The following ITGAL variants were observed in gnomAD, a reference collection of about 807,000 sequenced individuals.
ITGAL encodes the protein integrin alpha-L.
Under a neutral mutation model 138.4 loss-of-function variants are expected in ITGAL, and 68 were observed. The ratio of observed to expected loss-of-function variants is 0.49; its 90% CI spans 0.40 to 0.60. The LOEUF (loss-of-function observed/expected upper bound fraction) is 0.60. ITGAL is among the 20% of genes least tolerant of loss of function. The pLI, the probability that ITGAL is intolerant of heterozygous loss-of-function variation, is 0.00. For synonymous variants in ITGAL, 561 were observed against 584.3 expected (o/e 0.96, Z 0.57); for missense variants, 1,256 against 1,478.6 (o/e 0.85, Z 2.47).
chr16:30,510,239 C>T (rs1306264929), intron 21 of ITGAL, 122 bp from the exon 22 acceptor site: 7 of 671,526 alleles, frequency 1.0e-5, no homozygotes, highest in African/African-American at 3.6e-5. Flanking sequence ...GGCCCTTTCC[C>T]GCTGAGAAGG....
At chr16:30,488,550 C>G (rs1281097138) in intron 9 of ITGAL, among the ~76,000 whole-genome samples, 1 of 151,470 alleles carries the variant, frequency 6.6e-6, no homozygotes, top group African/African-American at 2.4e-5. Flanking sequence ...ACTAAAAATA[C>G]AAAAATTAGC....
Position 30,518,685 on chromosome 16 carries a change from TC to T in ITGAL, c.3196del (p.His1066ThrfsTer14). The T allele has an allele frequency of 1.9e-6, 3 of 1,613,966 alleles. No individual in the cohort carries two copies. The highest frequency in any genetic ancestry group is 2.5e-6 in the Non-Finnish European group (3 of 1,179,918). On this transcript the variant is annotated frameshift_variant, in exon 29 of 31. Coordinates refer to ENST00000356798, the MANE Select transcript of ITGAL (RefSeq NM_002209.3). LOFTEE classifies it high-confidence loss of function. Reference sequence around the variant, plus strand: ...ATCTCCTTCAACAGCAGCAAGCATTTCCACCTCTATGGCAGCAACGCCTCCC... The same window carrying T: ...ATCTCCTTCAACAGCAGCAAGCATTTCACCTCTATGGCAGCAACGCCTCCC... ...LSISFNSSKHFHLYGSNASLA... is the reference protein window; with the variant it reads ...LSISFNSSKHXHLYGSNASLA...
chr16:30,519,636 C>CG, intron 29 of ITGAL: 1 of 535,298 alleles, frequency 1.9e-6, no homozygotes, highest in South Asian at 2.3e-5. Context: ...CGTGCGATTC[C>CG]GGGGAAGCCA....
At chr16:30,497,103 G>A (rs368269593) in intron 15 of ITGAL, among the ~76,000 whole-genome samples, 2 of 152,108 alleles carry the variant, frequency 1.3e-5, no homozygotes, top group East Asian at 1.9e-4. Flanking sequence ...CCAGCACTTC[G>A]GAAGTCCGAG....
At chr16:30,501,405 A>G (rs985928808) in intron 17 of ITGAL, among the ~76,000 whole-genome samples, 6 of 151,764 alleles carry the variant, frequency 4.0e-5, no homozygotes, top group Admixed American at 3.9e-4. Flanking sequence ...GAGAAACCCC[A>G]TCTCTACTAA....
At chr16:30,475,071 C>T (rs552413278) in intron 2 of ITGAL, among the ~76,000 whole-genome samples, 1 of 152,192 alleles carries the variant, frequency 6.6e-6, no homozygotes, top group South Asian at 2.1e-4. Flanking sequence ...ATTGGCCAGG[C>T]TGGTCTCAAG....
chr16:30,510,709 C>T (rs1007581895), intron 22 of ITGAL, among the ~76,000 whole-genome samples, 172 bp from the exon 23 acceptor site: 2 of 152,100 alleles, frequency 1.3e-5, no homozygotes, highest in Non-Finnish European at 2.9e-5. Context: ...ATAACTTAAC[C>T]GTCTGGAGCC....
intron 26 of ITGAL, among the ~76,000 whole-genome samples, chr16:30,517,357 C>G (rs1253038441): frequency 1.3e-5 from 2 of 152,052 alleles, no homozygotes; most frequent in Admixed American, 1.3e-4. Flanking sequence ...ACTCAGGAGG[C>G]AGAGGCGGGA....
chr16:30,504,008 G>A, intron 17 of ITGAL, 167 bp from the exon 18 acceptor site: 1 of 583,766 alleles, frequency 1.7e-6, no homozygotes, highest in Non-Finnish European at 3.1e-6. Flanking sequence ...CCCTGGGTGT[G>A]CTGTACACAC....
Position 30,494,758 on chromosome 16 carries a change from C to A in ITGAL, c.1411C>A (p.Gln471Lys). The change falls in exon 13 of 31, where the codon CAA becomes AAA. Residue 471 changes from glutamine to lysine, a missense_variant. Gln to Lys is a moderately conservative substitution (Grantham distance 53). Transcript: ENST00000356798. The surrounding 1 kb of genome is among the most constrained non-coding windows in gnomAD (Gnocchi z 4.2). The stretch of plus-strand genomic sequence containing the variant: ...GGAGCTGTGTGGCGTCGACGTGGAC[C>A]AAGATGGGGAGACAGAGCTGCTGCT... Reference protein sequence around the residue: ...GGELCGVDVDQDGETELLLIG... With the variant: ...GGELCGVDVDKDGETELLLIG... 2 of 1,613,372 alleles carry A rather than the reference C, an allele frequency of 1.2e-6. No homozygotes were observed. Among genetic ancestry groups the A allele is most frequent in the Non-Finnish European group, 1.7e-6 (2 of 1,179,552 alleles).
chr16:30,491,533 C>G (rs145934744), intron 11 of ITGAL, among the ~76,000 whole-genome samples: 1 of 152,212 alleles, frequency 6.6e-6, no homozygotes, highest in African/African-American at 2.4e-5. Flanking sequence ...GCTACTTATC[C>G]TTCAGATCTC....
In ITGAL at chr16:30,496,268, G is replaced by C; in HGVS notation, c.1675G>C (p.Gly559Arg). 2 of 1,601,030 alleles carry C rather than the reference G, an allele frequency of 1.2e-6. No homozygotes were observed. The highest frequency in any genetic ancestry group is 1.7e-6 in the Non-Finnish European group (2 of 1,172,494). Reference protein sequence around the residue: ...GAVYIFNGRHGGLSPQPSQRI... With the variant: ...GAVYIFNGRHRGLSPQPSQRI... ...TGTGTACATCTTCAATGGGAGGCAC[G>C]GGGGGCTTAGTCCCCAGCCAAGTCA... The change falls in exon 14 of 31, where the codon GGG (glycine) becomes CGG (arginine). Residue 559 changes from glycine to arginine, a missense_variant. Physicochemically the swap from Gly to Arg is moderately radical, Grantham distance 125 (BLOSUM62 -2). Transcript: ENST00000356798.
chr16:30,485,678 A>AT (rs60648321), intron 9 of ITGAL, among the ~76,000 whole-genome samples: 35 of 141,198 alleles, frequency 2.5e-4, no homozygotes, highest in Admixed American at 1.1e-3. Flanking sequence ...CACCTGGCTA[A>AT]TTTTTTTTTT....
In ITGAL at chr16:30,494,229, C is replaced by A; in HGVS notation, c.1231C>A (p.Leu411Met). 1 of 1,610,060 alleles carries A rather than the reference C, an allele frequency of 6.2e-7. No individual in the cohort carries two copies. The highest frequency in any genetic ancestry group is 8.5e-7 in the Non-Finnish European group (1 of 1,177,258). Residue 411 changes from leucine (L) to methionine (M), a missense_variant, in exon 12 of 31, where the codon CTG becomes ATG. Around this residue, in one of 3 missense-constraint regions of ITGAL, gnomAD observed 867 missense variants for 972.5 expected, o/e 0.89. Transcript: ENST00000356798. This position sits in a 1 kb window ranked among gnomAD's most constrained non-coding sequence, Gnocchi z 4.2. ...AGYLGYTVTW[L>M]PSRQKTSLLA... ...TTCCTCAGGTTACACCGTGACCTGG[C>A]TGCCCTCCCGGCAAAAGACTTCGTT...
chr16:30,495,375 G>T (rs1284593722), intron 13 of ITGAL, among the ~76,000 whole-genome samples: 3 of 151,958 alleles, frequency 2.0e-5, no homozygotes, highest in Non-Finnish European at 4.4e-5. Flanking sequence ...GGCCAGGCTG[G>T]TCTCTAATCC....
intron 21 of ITGAL, among the ~76,000 whole-genome samples, chr16:30,507,160 TAA>T (rs775422514): frequency 2.0e-5 from 3 of 151,164 alleles, no homozygotes; most frequent in Non-Finnish European, 4.4e-5. Context: ...CTGTCTCTAC[TAA>T]AAAAATACAA....
Position 30,506,728 on chromosome 16 carries a change from C to T in ITGAL, c.2380C>T (p.Arg794Cys), listed in dbSNP as rs1377895872. 6 of 1,613,624 alleles carry T rather than the reference C, an allele frequency of 3.7e-6. No homozygotes were observed. The highest frequency in any genetic ancestry group is 2.7e-5 in the African/African-American group (2 of 74,908). Residue 794 changes from arginine (R) to cysteine (C), a missense_variant, in exon 21 of 31, where the codon CGT becomes TGT. Physicochemically the swap from Arg to Cys is radical, Grantham distance 180. Coordinates refer to ENST00000356798, the MANE Select transcript of ITGAL (RefSeq NM_002209.3). ...SFSPARSRAL[R>C]LTAFASLSVE... ...CATCCCCCACAGATCCAGAGCCCTG[C>T]GTCTAACTGCTTTTGCCAGCCTCTC...
chr16:30,500,988 G>C (rs1302013293), intron 17 of ITGAL, among the ~76,000 whole-genome samples: 1 of 150,836 alleles, frequency 6.6e-6, no homozygotes, highest in Non-Finnish European at 1.5e-5. Context: ...TGGGCAACAA[G>C]AGTGAAACTC....
In ITGAL at chr16:30,506,659, T is replaced by C. The variant is rs1004497345; in HGVS notation, c.2367-56T>C. ...TCTGGCCCACCAGATCCCTCAGTTC[T>C]GATATTCCCCACCCTGATCCTCCCT... On this transcript the variant is annotated intron_variant, in intron 20 of 30. Coordinates refer to ENST00000356798, the MANE Select transcript of ITGAL (RefSeq NM_002209.3). 4 of 1,457,138 alleles carry C rather than the reference T, an allele frequency of 2.7e-6. No individual in the cohort carries two copies. The African/African-American group carries it at 5.7e-5, about 21-fold the overall frequency. The allele number at this position is 1,457,138 out of a possible 1,614,324, so 90.3% of individuals were successfully genotyped here.
Sources: gnomAD v4.1 joint callset for allele counts (sites outside exome capture counted in the v4.1 genomes callset) on GRCh38, gnomAD v4.1.1 for gene constraint, gnomAD v4.1.1 regional missense constraint, Gnocchi (gnomAD v3.1) non-coding constraint, MANE v1.5 for transcripts, NCBI Gene and HGNC (gene_info 2026-07-23, HGNC 2026-07-21) for gene names.